Variants in TNXB observed in about 807,000 individuals in gnomAD.
TNXB encodes tenascin XB.
Under a neutral mutation model 340.5 loss-of-function variants are expected in TNXB, and 183 were observed. The ratio of observed to expected loss-of-function variants is 0.54; its 90% CI spans 0.48 to 0.61. The LOEUF (loss-of-function observed/expected upper bound fraction) is 0.61. TNXB is among the 20% of genes least tolerant of loss of function. The probability of loss-of-function intolerance (pLI) is 0.00; values close to 1 mark genes in which losing one functional copy is unlikely to be tolerated. For synonymous variants in TNXB, 2,121 were observed against 2,314.5 expected, an observed-to-expected ratio of 0.92 and a Z score of 2.40; for missense variants, 4,613 against 5,446.4, an observed-to-expected ratio of 0.85 and a Z score of 4.82.
Position 32,096,838 on chromosome 6 carries a change from T to C in TNXB, c.1015A>G (p.Thr339Ala). Residue 339 changes from threonine to alanine, a missense_variant, in exon 3 of 44, where the codon ACG becomes GCG. Transcript: ENST00000644971. ...DPGYTGEDCGTRSCPWDCGEG... is the reference protein window; with the variant it reads ...DPGYTGEDCGARSCPWDCGEG... ...CCACAGTCCCAGGGGCAGCTCCGCGTACCACAGTCCTCGCCAGTGTAGCCG... is the reference window on the plus strand; with the variant it reads ...CCACAGTCCCAGGGGCAGCTCCGCGCACCACAGTCCTCGCCAGTGTAGCCG... 6.2e-7 allele frequency: 1 copy of C among 1,600,328 alleles called. No homozygotes were observed.
At chr6:32,048,279 T>A (rs987343185) in intron 29 of TNXB, 84 bp downstream of exon 29, 4 of 1,376,078 alleles carry the variant, frequency 2.9e-6, no homozygotes, top group Admixed American at 2.6e-5. Context: ...AGGACTGGAG[T>A]GTGGGGCACA....
rs774735083 is a variant in TNXB, at chr6:32,061,471, C to A, written c.7418G>T (p.Arg2473Leu). ...GCCATACAGGTGCATCTTGTATTTG[C>A]GCCCAGGCTCCAGGCCCCCCACGGT... ...EVTVGGLEPG[R>L]KYKMHLYGLH... The change falls in exon 21 of 44, where the codon CGC becomes CTC. Residue 2473 changes from arginine to leucine, a missense_variant. This residue lies in a region of TNXB where 4,327 missense variants were observed against 4,859.4 expected (regional missense o/e 0.89). Coordinates refer to ENST00000644971, the MANE Select transcript of TNXB (RefSeq NM_001365276.2). The surrounding 1 kb of genome is among the most constrained non-coding windows in gnomAD (Gnocchi z 4.4). 4.3e-6 allele frequency: 7 copies of A among 1,613,504 alleles called. No homozygotes were observed. In the South Asian group the frequency reaches 4.4e-5, roughly 10 times the overall value.
intron 28 of TNXB, 127 bp from the exon 29 acceptor site, chr6:32,048,777 G>A: frequency 3.1e-6 from 3 of 954,454 alleles, no homozygotes; most frequent in Non-Finnish European, 4.2e-6. Flanking sequence ...TAGAATCTGT[G>A]CCCTGCATTG....
Position 32,050,319 on chromosome 6 carries a change from G to A in TNXB, c.9118C>T (p.Pro3040Ser). 1 of 1,612,308 alleles carries A rather than the reference G, an allele frequency of 6.2e-7. No individual in the cohort carries two copies. The highest frequency in any genetic ancestry group is 1.1e-5 in the South Asian group (1 of 91,068). ...TGGGTGGTCTCGGCTTCATCCTTTGGAGCTGGACAGACACGTGTGGGGACA... is the reference window on the plus strand; with the variant it reads ...TGGGTGGTCTCGGCTTCATCCTTTGAAGCTGGACAGACACGTGTGGGGACA... ...GPVSAVGVTA[P>S]KDEAETTQAV... Residue 3040 changes from proline to serine, a missense_variant and splice_region_variant, in exon 27 of 44, where the codon CCA (proline) becomes TCA (serine). Pro to Ser is a moderately conservative substitution (Grantham distance 74). This residue lies in a region of TNXB where 4,327 missense variants were observed against 4,859.4 expected (regional missense o/e 0.89). Transcript: ENST00000644971.
At chr6:32,063,404 G>GAAA (rs529135591) in intron 19 of TNXB, among the ~76,000 whole-genome samples, 1 of 110,934 alleles carries the variant, frequency 9.0e-6, no homozygotes, top group Non-Finnish European at 2.0e-5. Context: ...TCAACATAAA[G>GAAA]AAAAAAAAAA....
Position 32,058,458 on chromosome 6 carries a change from A to C in TNXB, c.7493-68T>G. ...GGCAACTTGCTTTGCTGGTGCTGTC[A>C]ACAGAGGTCATACATCAAATGTGCC... is the stretch of plus-strand genomic sequence containing the variant. On this transcript the variant is annotated intron_variant, in intron 21 of 43. Coordinates refer to ENST00000644971, the MANE Select transcript of TNXB (RefSeq NM_001365276.2). The surrounding 1 kb of genome is among the most constrained non-coding windows in gnomAD (Gnocchi z 5.1). 1 of 1,332,746 alleles carries C rather than the reference A, an allele frequency of 7.5e-7. No individual in the cohort carries two copies. Among genetic ancestry groups the C allele is most frequent in the Non-Finnish European group, 1.0e-6 (1 of 985,294 alleles). 82.6% of individuals were successfully genotyped at this position (1,332,746 alleles called of 1,614,324 possible).
At position 32,095,634 on chromosome 6, in the gene TNXB, T is replaced by C; in HGVS notation, c.2219A>G (p.Tyr740Cys). 1 of 1,613,448 alleles carries C rather than the reference T, an allele frequency of 6.2e-7. No homozygotes were observed. Among genetic ancestry groups the C allele is most frequent in the Non-Finnish European group, 8.5e-7 (1 of 1,179,468 alleles). ...ACCTTCTCCGCAGTCTTCGCCAGCA[T>C]ACCCATCTTTGCAGACACAGCTGCC... The part of the protein sequence containing the change: ...HDGSCVCKDG[Y>C]AGEDCGEEVP... The change falls in exon 3 of 44, where the codon TAT (tyrosine) becomes TGT (cysteine). Residue 740 changes from tyrosine to cysteine, a missense_variant. By Grantham distance (194) the Tyr-to-Cys change is radical (BLOSUM62 -2). Transcript: ENST00000644971.
At chr6:32,100,065 A>C (rs117767511) in intron 1 of TNXB, among the ~76,000 whole-genome samples, 1 of 151,892 alleles carries the variant, frequency 6.6e-6, no homozygotes. Context: ...TTTCATAGCA[A>C]TATCTTACAG....
chr6:32,080,190 G>A lies in TNXB; in HGVS notation c.4043-825C>T, dbSNP rs1311291041. The stretch of plus-strand genomic sequence containing the variant: ...TGCTGCTCCAAGCACTATTCTAAGT[G>A]TGTGGGCTTTTTTTGTTTTTGTTTT... On this transcript the variant is annotated intron_variant, in intron 10 of 43. Coordinates refer to ENST00000644971, the MANE Select transcript of TNXB (RefSeq NM_001365276.2). This position sits in a 1 kb window ranked among gnomAD's most constrained non-coding sequence, Gnocchi z 4.3. 6.9e-6 allele frequency among the ~76,000 whole-genome samples: 1 copy of A among 145,296 alleles called. No homozygotes were observed. The highest frequency in any genetic ancestry group is 1.5e-5 in the Non-Finnish European group (1 of 66,730).
chr6:32,091,296 G>A (rs1316809537), intron 4 of TNXB, among the ~76,000 whole-genome samples: 1 of 152,080 alleles, frequency 6.6e-6, no homozygotes, highest in Non-Finnish European at 1.5e-5. Context: ...TTTTAGTAGA[G>A]ACGGGGTTTC....
rs1469951885 is a variant in TNXB, at chr6:32,070,633, G to A, written c.4991-219C>T. ...GTCCTGAGTCACCTCCAGGAAAAGAGATTCCCTAGCTCCCTGCCTCATCTT... is the reference window on the plus strand; with the variant it reads ...GTCCTGAGTCACCTCCAGGAAAAGAAATTCCCTAGCTCCCTGCCTCATCTT... On this transcript the variant is annotated intron_variant, in intron 13 of 43. Transcript: ENST00000644971. This position sits in a 1 kb window ranked among gnomAD's most constrained non-coding sequence, Gnocchi z 6.0. 6.6e-6 allele frequency among the ~76,000 whole-genome samples: 1 copy of A among 152,156 alleles called. No homozygotes were observed. The highest frequency in any genetic ancestry group is 1.5e-5 in the Non-Finnish European group (1 of 68,020).
chr6:32,108,285 A>G lies in TNXB; in HGVS notation c.-9+896T>C, dbSNP rs1781074148. On this transcript the variant is annotated intron_variant, in intron 1 of 43. Coordinates refer to ENST00000644971, the MANE Select transcript of TNXB (RefSeq NM_001365276.2). This position sits in a 1 kb window ranked among gnomAD's most constrained non-coding sequence, Gnocchi z 4.8. ...TTCCACTTCCAGTTGTTTCTATGCC[A>G]TTAAATTCTTTCCAGGCGAGATAAG... Among the ~76,000 whole-genome samples the G allele has an allele frequency of 6.6e-6, 1 of 152,138 alleles. No homozygotes were observed. The highest frequency in any genetic ancestry group is 1.5e-5 in the Non-Finnish European group (1 of 68,010).
At position 32,095,786 on chromosome 6, in the gene TNXB, A is replaced by G; in HGVS notation, c.2067T>C (p.Pro689=). The change falls in exon 3 of 44, where the codon CCT becomes CCC. Residue 689 remains proline, a synonymous_variant. Coordinates refer to ENST00000644971, the MANE Select transcript of TNXB (RefSeq NM_001365276.2). The part of the protein sequence containing the change: ...GQEEPPASAC[P]GGCGPRELCR... The stretch of plus-strand genomic sequence containing the variant: ...ACAGTTCCCGGGGCCCGCAGCCTCC[A>G]GGGCAGGCGCTGGCTGGAGGCTCTT... 6.2e-7 allele frequency: 1 copy of G among 1,613,420 alleles called. No individual in the cohort carries two copies. The highest frequency in any genetic ancestry group is 8.5e-7 in the Non-Finnish European group (1 of 1,179,688).
chr6:32,075,853 G>A lies in TNXB; in HGVS notation c.4376-1901C>T, dbSNP rs1475443050. On this transcript the variant is annotated intron_variant, in intron 11 of 43. Transcript: ENST00000644971. This position sits in a 1 kb window ranked among gnomAD's most constrained non-coding sequence, Gnocchi z 4.6. Reference sequence around the variant, plus strand: ...CAAGAGGCAAAATGGCAGAGAAGGTGGCTGGATGGGTGGGGCTCCCAAGAA... The same window carrying A: ...CAAGAGGCAAAATGGCAGAGAAGGTAGCTGGATGGGTGGGGCTCCCAAGAA... 6.6e-6 allele frequency among the ~76,000 whole-genome samples: 1 copy of A among 152,196 alleles called. No homozygotes were observed. The highest frequency in any genetic ancestry group is 1.5e-5 in the Non-Finnish European group (1 of 68,044).
In TNXB at chr6:32,061,434, C is replaced by A. The variant is rs1777999272; in HGVS notation, c.7455G>T (p.Gly2485=). The A allele has an allele frequency of 1.2e-6, 2 of 1,612,914 alleles. No homozygotes were observed. Among genetic ancestry groups the A allele is most frequent in the Non-Finnish European group, 1.7e-6 (2 of 1,179,578 alleles). ...CGGTGGACACCGGGCCCACGCGCCG[C>A]CCCTCGTGGAGGCCATACAGGTGCA... ...YKMHLYGLHE[G]RRVGPVSTVG... is the part of the protein sequence containing the mutation. The change falls in exon 21 of 44, where the codon GGG becomes GGT. Residue 2485 remains glycine (G), a synonymous_variant. Coordinates refer to ENST00000644971, the MANE Select transcript of TNXB (RefSeq NM_001365276.2). This position sits in a 1 kb window ranked among gnomAD's most constrained non-coding sequence, Gnocchi z 4.4.
In TNXB at chr6:32,068,494, C is replaced by G. The variant is rs1413458301; in HGVS notation, c.6116G>C (p.Gly2039Ala). Residue 2039 changes from glycine (G) to alanine (A), a missense_variant, in exon 17 of 44, where the codon GGG (glycine) becomes GCG (alanine). This residue lies in a region of TNXB where 4,327 missense variants were observed against 4,859.4 expected (regional missense o/e 0.89). Transcript: ENST00000644971. This position sits in a 1 kb window ranked among gnomAD's most constrained non-coding sequence, Gnocchi z 5.3. ...KAVRVPGHEE[G>A]VTISGLEPDH... Reference sequence around the variant, plus strand: ...TGGCTCCAGGCCCGAGATGGTGACCCCTTCCTCGTGCCCTGGCACCCTCAC... The same window carrying G: ...TGGCTCCAGGCCCGAGATGGTGACCGCTTCCTCGTGCCCTGGCACCCTCAC... 3 of 1,613,784 alleles carry G rather than the reference C, an allele frequency of 1.9e-6. No individual in the cohort carries two copies. Among genetic ancestry groups the G allele is most frequent in the African/African-American group, 1.3e-5 (1 of 74,936 alleles).
At position 32,081,126 on chromosome 6, in the gene TNXB, GAA is replaced by G. The variant is rs1380159294; in HGVS notation, c.4042+240_4042+241del. Among the ~76,000 whole-genome samples, 1 of 152,146 alleles carries G rather than the reference GAA, an allele frequency of 6.6e-6. No individual in the cohort carries two copies. Among genetic ancestry groups the G allele is most frequent in the East Asian group, 1.9e-4 (1 of 5,186 alleles). On this transcript the variant is annotated intron_variant, in intron 10 of 43. Coordinates refer to ENST00000644971, the MANE Select transcript of TNXB (RefSeq NM_001365276.2). The surrounding 1 kb of genome is among the most constrained non-coding windows in gnomAD (Gnocchi z 5.1). The stretch of plus-strand genomic sequence containing the variant: ...ATGAGTCCAGGTGTTTGGAATGGGG[GAA>G]AATAGGACCTGCCCTTGGAGATGAA...
chr6:32,065,213 G>T, intron 18 of TNXB, 96 bp from the exon 19 acceptor site: 2 of 1,135,196 alleles, frequency 1.8e-6, no homozygotes, highest in African/African-American at 1.6e-5. Context: ...GGCCCAGTCT[G>T]GCCCTAACTT....
In TNXB at chr6:32,056,984, CAA is replaced by C. The variant is rs144233780; in HGVS notation, c.7826-83_7826-82del. The C allele has an allele frequency of 1.3e-3, 1,947 of 1,546,300 alleles. 21 individuals carry two copies. The African/African-American group carries it at 0.024, about 19-fold the overall frequency. On this transcript the variant is annotated intron_variant, in intron 22 of 43. Transcript: ENST00000644971. The stretch of plus-strand genomic sequence containing the variant: ...CATAGAAAGGATGTGTCACAAAACA[CAA>C]AGTGCCCAAGAGCAGGACGATGCTG...
Sources: allele counts gnomAD v4.1 joint callset (sites outside exome capture counted in the v4.1 genomes callset), GRCh38; gene constraint gnomAD v4.1.1; regional missense constraint gnomAD v4.1.1; non-coding constraint Gnocchi (gnomAD v3.1); transcripts MANE v1.5; gene names NCBI Gene and HGNC (gene_info 2026-07-23, HGNC 2026-07-21).